Variants in ROBO2 observed in about 807,000 individuals in gnomAD.
The protein encoded by ROBO2 is roundabout homolog 2.
In ROBO2, 53 loss-of-function variants were observed where a neutral mutation model predicts 160.8. That is an observed-to-expected ratio of 0.33 (90% confidence interval 0.26 to 0.41). ROBO2 has a LOEUF of 0.41. Among genes scored for constraint, ROBO2 ranks in the 10% least tolerant of loss-of-function variants. The pLI, the probability that ROBO2 is intolerant of heterozygous loss-of-function variation, is 1.00. For synonymous variants in ROBO2, 664 were observed against 611.7 expected, an observed-to-expected ratio of 1.09 and a Z score of -1.26; for missense variants, 1,577 against 1,722.4, an observed-to-expected ratio of 0.92 and a Z score of 1.49.
In ROBO2 at chr3:77,607,944, C is replaced by A. The variant is rs755101600; in HGVS notation, c.3283C>A (p.Gln1095Lys). The change falls in exon 21 of 26, where the codon CAA becomes AAA. Residue 1095 changes from glutamine (Q) to lysine (K), a missense_variant. Transcript: ENST00000461745. ...GCTGGAACACTATGCAGTGGAACAA[C>A]AAGAAAATGGGTAAAGATATTTTAT... 6.2e-7 allele frequency: 1 copy of A among 1,613,744 alleles called. No individual in the cohort carries two copies. The highest frequency in any genetic ancestry group is 1.3e-5 in the African/African-American group (1 of 74,864).
chr3:77,590,654 A>C (rs1392316395), intron 17 of ROBO2, among the ~76,000 whole-genome samples: 3 of 152,116 alleles, frequency 2.0e-5, no homozygotes, highest in Non-Finnish European at 2.9e-5. Context: ...TTCGGTGCAA[A>C]GTTCTAATAT....
chr3:76,783,481 C>A (rs890214273), intron 2 of ROBO2, among the ~76,000 whole-genome samples: 2 of 149,966 alleles, frequency 1.3e-5, no homozygotes, highest in Non-Finnish European at 3.0e-5. Context: ...AATAGCCTTG[C>A]CAAGTATAGT....
chr3:77,208,452 A>G (rs962453914), intron 2 of ROBO2, among the ~76,000 whole-genome samples: 1 of 152,158 alleles, frequency 6.6e-6, no homozygotes, highest in African/African-American at 2.4e-5. Context: ...ACAGTTACAC[A>G]AGCCGGCATG....
At chr3:76,639,324 GTA>G (rs58143622) in intron 2 of ROBO2, among the ~76,000 whole-genome samples, 11,680 of 151,546 alleles carry the variant, frequency 0.077, 1,433 homozygotes, top group African/African-American at 0.26. Context: ...ATATGGACAT[GTA>G]TATATGTGTG....
chr3:77,144,686 G>A (rs112623189), intron 2 of ROBO2, among the ~76,000 whole-genome samples: 3,292 of 152,230 alleles, frequency 0.022, 40 homozygotes, highest in Middle Eastern at 0.048. Context: ...CAAATATATG[G>A]CACTGGGGTT....
chr3:77,456,517 A>G (rs549388237), intron 2 of ROBO2, among the ~76,000 whole-genome samples: 1 of 152,324 alleles, frequency 6.6e-6, no homozygotes, highest in Admixed American at 6.5e-5. Context: ...CCAGTTAAAT[A>G]CTGAGTTCTA....
intron 2 of ROBO2, among the ~76,000 whole-genome samples, chr3:76,016,859 G>T (rs1041140716): frequency 7.2e-5 from 11 of 151,920 alleles, no homozygotes; most frequent in African/African-American, 2.4e-4. Flanking sequence ...AAAATAATTT[G>T]CCAGGAAAAA....
intron 2 of ROBO2, among the ~76,000 whole-genome samples, chr3:76,650,702 G>A (rs1331001102): frequency 3.3e-5 from 5 of 152,106 alleles, no homozygotes; most frequent in Admixed American, 3.3e-4. Flanking sequence ...GGGGCTGAGT[G>A]TGGTGGCTTC....
intron 2 of ROBO2, among the ~76,000 whole-genome samples, chr3:77,466,270 G>T (rs1239053246): frequency 1.3e-5 from 2 of 152,120 alleles, no homozygotes; most frequent in Admixed American, 6.6e-5. Context: ...TGATAGTGTA[G>T]TGCCCATATT....
intron 2 of ROBO2, among the ~76,000 whole-genome samples, chr3:76,026,919 C>G (rs1240054538): frequency 6.6e-6 from 1 of 151,858 alleles, no homozygotes; most frequent in Non-Finnish European, 1.5e-5. Context: ...CAAGGACCTT[C>G]CAGGGCTCTC....
chr3:77,096,289 G>T (rs1578926817), intron 1 of ROBO2, among the ~76,000 whole-genome samples: 1 of 152,044 alleles, frequency 6.6e-6, no homozygotes, highest in South Asian at 2.1e-4. Context: ...ATTCCTCTCA[G>T]CATCTCCTTT....
chr3:76,156,400 G>A (rs951046395), intron 2 of ROBO2, among the ~76,000 whole-genome samples: 2 of 152,154 alleles, frequency 1.3e-5, no homozygotes, highest in Non-Finnish European at 2.9e-5. Flanking sequence ...AACAAAACTG[G>A]TGTATCTGTA....
chr3:76,253,136 A>G (rs1706141711), intron 2 of ROBO2, among the ~76,000 whole-genome samples: 1 of 152,094 alleles, frequency 6.6e-6, no homozygotes, highest in Non-Finnish European at 1.5e-5. Context: ...ACATAATGCT[A>G]TCACAGATCA....
At chr3:76,876,735 ATACAGGGTT>A (rs1226722450) in intron 2 of ROBO2, among the ~76,000 whole-genome samples, 2 of 152,196 alleles carry the variant, frequency 1.3e-5, no homozygotes, top group East Asian at 3.8e-4. Flanking sequence ...TTGCAAAGAA[ATACAGGGTT>A]TACATACTAT....
chr3:76,767,582 G>A (rs963419480), intron 2 of ROBO2, among the ~76,000 whole-genome samples: 3 of 151,500 alleles, frequency 2.0e-5, no homozygotes, highest in Non-Finnish European at 4.4e-5. Context: ...TCTCTTCCAT[G>A]TATGACTTTG....
Position 77,107,720 on chromosome 3 carries a change from A to G in ROBO2, c.388+9380A>G, listed in dbSNP as rs149990667. 9.3e-3 allele frequency among the ~76,000 whole-genome samples: 1,409 copies of G among 152,310 alleles called. 12 individuals are homozygous for G. Among genetic ancestry groups the G allele is most frequent in the Non-Finnish European group, 0.014 (938 of 68,022 alleles). ...GTCTCCTCTGGATACCAAGGAACGAATGTGCCTCTTTCTGAGAGCCAGGCC... is the reference window on the plus strand; with the variant it reads ...GTCTCCTCTGGATACCAAGGAACGAGTGTGCCTCTTTCTGAGAGCCAGGCC... On this transcript the variant is annotated intron_variant, in intron 2 of 25. Transcript: ENST00000461745.
intron 2 of ROBO2, among the ~76,000 whole-genome samples, chr3:76,478,175 C>G (rs1017442016): frequency 9.0e-6 from 1 of 111,648 alleles, no homozygotes; most frequent in Non-Finnish European, 1.8e-5. Context: ...TATCCCTCCC[C>G]CCTCCCCCCC....
chr3:76,048,830 T>C (rs897641026), intron 2 of ROBO2, among the ~76,000 whole-genome samples: 7 of 152,190 alleles, frequency 4.6e-5, no homozygotes, highest in Admixed American at 4.6e-4. Flanking sequence ...TGTTTACAAA[T>C]AGAATACTCC....
At chr3:77,369,855 A>G (rs2071478056) in intron 2 of ROBO2, among the ~76,000 whole-genome samples, 1 of 152,196 alleles carries the variant, frequency 6.6e-6, no homozygotes, top group Non-Finnish European at 1.5e-5. Context: ...AAATATGGCC[A>G]TCTATAGTTA....
Sources: gnomAD v4.1 joint callset for allele counts (sites outside exome capture counted in the v4.1 genomes callset) on GRCh38, gnomAD v4.1.1 for gene constraint, MANE v1.5 for transcripts, NCBI Gene and HGNC (gene_info 2026-07-23, HGNC 2026-07-21) for gene names.